ITGA2: variants seen among roughly 807,000 people sequenced by gnomAD.
ITGA2 encodes integrin subunit alpha 2, also known as integrin alpha-2.
Under a neutral mutation model 146.3 loss-of-function variants are expected in ITGA2, and 101 were observed. The ratio of observed to expected loss-of-function variants is 0.69; its 90% confidence interval spans 0.59 to 0.81. The LOEUF (loss-of-function observed/expected upper bound fraction) is 0.81. Among genes scored for constraint, ITGA2 ranks in the 40% least tolerant of loss-of-function variants. The pLI, the probability that ITGA2 is intolerant of heterozygous loss-of-function variation, is 0.00. For synonymous variants in ITGA2, 477 were observed against 487.1 expected (o/e 0.98, Z 0.27); for missense variants, 1,281 against 1,402.7 (o/e 0.91, Z 1.39).
At chr5:53,003,024 T>G (rs1450079956) in intron 1 of ITGA2, among the ~76,000 whole-genome samples, 2 of 152,178 alleles carry the variant, frequency 1.3e-5, no homozygotes, top group Non-Finnish European at 2.9e-5. Context: ...AGTGTCCTGC[T>G]TTATTCTTAT....
At chr5:53,051,317 G>A (rs1744349517) in intron 6 of ITGA2, 94 bp from the exon 7 acceptor site, 2 of 1,339,180 alleles carry the variant, frequency 1.5e-6, no homozygotes, top group African/African-American at 1.5e-5. Context: ...ACCGGCCCAT[G>A]TCTAAATGTA....
intron 1 of ITGA2, among the ~76,000 whole-genome samples, chr5:53,010,060 G>T (rs1049680363): frequency 2.0e-5 from 3 of 152,162 alleles, no homozygotes; most frequent in African/African-American, 7.2e-5. Context: ...TCCTTTTGTG[G>T]AAAAGATTAG....
At chr5:53,073,558 T>C (rs561750543) in intron 20 of ITGA2, among the ~76,000 whole-genome samples, 1 of 152,028 alleles carries the variant, frequency 6.6e-6, no homozygotes, top group East Asian at 1.9e-4. Flanking sequence ...TGCACAGATG[T>C]GGTGCACTTG....
chr5:53,026,618 T>A, intron 1 of ITGA2, 130 bp from the exon 2 acceptor site: 1 of 810,176 alleles, frequency 1.2e-6, no homozygotes, highest in East Asian at 2.7e-5. Flanking sequence ...AGTTATTTTT[T>A]CTGGGTAAAC....
chr5:53,013,726 C>T (rs1742266819), intron 1 of ITGA2, among the ~76,000 whole-genome samples: 1 of 152,088 alleles, frequency 6.6e-6, no homozygotes, highest in South Asian at 2.1e-4. Context: ...ATTGATTCTT[C>T]CTAGCCACAA....
chr5:53,060,402 T>C (rs1744850770), intron 11 of ITGA2, among the ~76,000 whole-genome samples: 1 of 151,976 alleles, frequency 6.6e-6, no homozygotes, highest in Admixed American at 6.6e-5. Context: ...CCTGAGCTGC[T>C]AGTCTATCTA....
rs970860004 is a variant in ITGA2, at chr5:53,093,847, T to C, written c.*3248T>C. On this transcript the variant is annotated 3_prime_UTR_variant, in exon 30 of 30. Transcript: ENST00000296585. Reference sequence around the variant, plus strand: ...AATAGTAAGATAGTAAAATAGCTTATGAAGAAACTACAGAGATTTAAAATT... The same window carrying C: ...AATAGTAAGATAGTAAAATAGCTTACGAAGAAACTACAGAGATTTAAAATT... The C allele has an allele frequency of 6.6e-6, 1 of 152,626 alleles. No individual in the cohort carries two copies. The highest frequency in any genetic ancestry group is 1.5e-5 in the Non-Finnish European group (1 of 68,030). 9.5% of individuals were successfully genotyped at this position (152,626 alleles called of 1,614,324 possible). A position where few individuals can be genotyped will look rare whatever the true frequency, so the allele number is the denominator to read the frequency against.
chr5:53,068,122 A>G (rs964053853), intron 16 of ITGA2, among the ~76,000 whole-genome samples: 1 of 151,962 alleles, frequency 6.6e-6, no homozygotes, highest in Non-Finnish European at 1.5e-5. Context: ...AGTGACAAAC[A>G]TATTAACTTA....
In ITGA2 at chr5:53,090,018, G is replaced by T; in HGVS notation, c.3421G>T (p.Ala1141Ser). Residue 1141 changes from alanine (A) to serine (S), a missense_variant, in exon 29 of 30, where the codon GCT (alanine) becomes TCT (serine). By Grantham distance (99) the Ala-to-Ser change is moderately conservative. Around this residue, in one of 3 missense-constraint regions of ITGA2, gnomAD observed 475 missense variants for 530.5 expected, o/e 0.90. Coordinates refer to ENST00000296585, the MANE Select transcript of ITGA2 (RefSeq NM_002203.4). ...PTGVIIGSII[A>S]GILLLLALVA... is the part of the protein sequence containing the mutation. ...AGGAGTTATAATAGGAAGTATAATT[G>T]CTGGAATCCTTTTGCTGTTAGCTCT... The T allele has an allele frequency of 6.2e-7, 1 of 1,613,406 alleles. No individual in the cohort carries two copies. The highest frequency in any genetic ancestry group is 8.5e-7 in the Non-Finnish European group (1 of 1,179,386).
chr5:52,999,487 A>G (rs1158036362), intron 1 of ITGA2, among the ~76,000 whole-genome samples: 1 of 152,148 alleles, frequency 6.6e-6, no homozygotes, highest in African/African-American at 2.4e-5. Flanking sequence ...TCTGGGTAAG[A>G]GACAAAGGTC....
chr5:53,078,916 T>G (rs1403960588), intron 24 of ITGA2, 42 bp downstream of exon 24: 1 of 1,093,736 alleles, frequency 9.1e-7, no homozygotes, highest in Admixed American at 1.7e-5. Context: ...CAGGAGAAAG[T>G]GAGAAGAAAA....
Position 53,091,999 on chromosome 5 carries a change from T to C in ITGA2, c.*1400T>C, listed in dbSNP as rs1445910202. On this transcript the variant is annotated 3_prime_UTR_variant, in exon 30 of 30. Coordinates refer to ENST00000296585, the MANE Select transcript of ITGA2 (RefSeq NM_002203.4). The stretch of plus-strand genomic sequence containing the variant: ...TAGGCAAGTTTGTTCAAAAGGTAGA[T>C]CCTGAGATGATTTGGTCAGATTGGG... 1 of 152,188 alleles carries C rather than the reference T, an allele frequency of 6.6e-6. No homozygotes were observed. Among genetic ancestry groups the C allele is most frequent in the Non-Finnish European group, 1.5e-5 (1 of 68,038 alleles). The allele number at this position is 152,188 out of a possible 1,614,324, so 9.4% of individuals were successfully genotyped here. A position where few individuals can be genotyped will look rare whatever the true frequency, so the allele number is the denominator to read the frequency against.
Position 53,090,043 on chromosome 5 carries a change from TG to T in ITGA2, c.3448del (p.Val1150LeufsTer17). 1 of 1,607,566 alleles carries T rather than the reference TG, an allele frequency of 6.2e-7. No individual in the cohort carries two copies. Among genetic ancestry groups the T allele is most frequent in the South Asian group, 1.1e-5 (1 of 90,992 alleles). Reference sequence around the variant, plus strand: ...GCTGGAATCCTTTTGCTGTTAGCTCTGGTTGCAATTTTATGGAAGGTAAGAA... The same window carrying T: ...GCTGGAATCCTTTTGCTGTTAGCTCTGTTGCAATTTTATGGAAGGTAAGAA... ...IIAGILLLLA[L>X]VAILWKLGFF... On this transcript the variant is annotated frameshift_variant, in exon 29 of 30. Transcript: ENST00000296585. LOFTEE classifies it high-confidence loss of function.
At chr5:53,029,319 A>G (rs1411493816) in intron 2 of ITGA2, among the ~76,000 whole-genome samples, 2 of 152,098 alleles carry the variant, frequency 1.3e-5, no homozygotes, top group Non-Finnish European at 2.9e-5. Flanking sequence ...AAAATTCCTT[A>G]AAGGATGCTC....
chr5:53,039,755 A>G (rs1743690587), intron 2 of ITGA2, among the ~76,000 whole-genome samples: 1 of 151,406 alleles, frequency 6.6e-6, no homozygotes, highest in African/African-American at 2.4e-5. Context: ...AAAAAAAAAA[A>G]AAAAAAAAAG....
intron 1 of ITGA2, among the ~76,000 whole-genome samples, chr5:53,010,275 G>A (rs1432547933): frequency 6.6e-6 from 1 of 152,198 alleles, no homozygotes; most frequent in Non-Finnish European, 1.5e-5. Context: ...GAGAGGCAGA[G>A]GCCAGAGGAG....
chr5:52,993,271 T>C (rs148847443), intron 1 of ITGA2, among the ~76,000 whole-genome samples: 136 of 152,318 alleles, frequency 8.9e-4, no homozygotes, highest in Admixed American at 1.7e-3. Flanking sequence ...TGCTCCCCTA[T>C]GGCTTAGCAG....
chr5:53,090,227 G>A (rs1740343951), intron 29 of ITGA2, among the ~76,000 whole-genome samples, 165 bp downstream of exon 29: 1 of 152,178 alleles, frequency 6.6e-6, no homozygotes, highest in South Asian at 2.1e-4. Context: ...AAAACAACCA[G>A]TAAGGATTTT....
intron 2 of ITGA2, among the ~76,000 whole-genome samples, chr5:53,036,044 TATTCATTCATTCATTC>T (rs74507381): frequency 8.0e-5 from 12 of 150,008 alleles, no homozygotes; most frequent in Admixed American, 5.3e-4. Flanking sequence ...CTTTGACTCG[TATTCATTCATTCATTC>T]ATTCATTCAT....
Sources: gnomAD v4.1 joint callset for allele counts (sites outside exome capture counted in the v4.1 genomes callset) on GRCh38, gnomAD v4.1.1 for gene constraint, gnomAD v4.1.1 regional missense constraint, MANE v1.5 for transcripts, NCBI Gene and HGNC (gene_info 2026-07-23, HGNC 2026-07-21) for gene names.